Variants in PREX2 observed in about 807,000 individuals in gnomAD.
PREX2 encodes phosphatidylinositol 3,4,5-trisphosphate-dependent Rac exchanger 2 protein.
A neutral mutation model predicts 203.2 loss-of-function variants in PREX2; 107 were observed. That is an observed-to-expected ratio of 0.53 (90% confidence interval 0.45 to 0.62). The LOEUF (loss-of-function observed/expected upper bound fraction) is 0.62. PREX2 is among the 20% of genes least tolerant of loss of function. The pLI is 0.00. For synonymous variants in PREX2, 672 were observed against 663.6 expected, an observed-to-expected ratio of 1.01 and a Z score of -0.19; for missense variants, 1,777 against 1,955.9, an observed-to-expected ratio of 0.91 and a Z score of 1.72.
chr8:68,133,300 G>A (rs1811045173), intron 31 of PREX2, among the ~76,000 whole-genome samples: 1 of 152,008 alleles, frequency 6.6e-6, no homozygotes, highest in African/African-American at 2.4e-5. Context: ...CAACACCTGG[G>A]GATTACAATT....
chr8:68,024,030 C>T (rs1026779497), intron 4 of PREX2, among the ~76,000 whole-genome samples: 7 of 151,982 alleles, frequency 4.6e-5, no homozygotes, highest in Admixed American at 4.6e-4. Context: ...AGTGGGCACA[C>T]CTGCCGTGTT....
chr8:68,055,901 A>G lies in PREX2; in HGVS notation c.1165A>G (p.Met389Val), dbSNP rs1169735083. 3 of 1,613,140 alleles carry G rather than the reference A, an allele frequency of 1.9e-6. No individual in the cohort carries two copies. Among genetic ancestry groups the G allele is most frequent in the Middle Eastern group, 1.7e-4 (1 of 6,058 alleles). Residue 389 changes from methionine (M) to valine (V), a missense_variant, in exon 10 of 40, where the codon ATG (methionine) becomes GTG (valine). By Grantham distance (21) the Met-to-Val change is conservative. Transcript: ENST00000288368. ...SEQGEKLYKM[M>V]CRQGNLIKDR... is the part of the protein sequence containing the mutation. Reference sequence around the variant, plus strand: ...ACAGGGTGAGAAACTTTATAAAATGATGTGCAGACAAGGAAATCTGATCAA... The same window carrying G: ...ACAGGGTGAGAAACTTTATAAAATGGTGTGCAGACAAGGAAATCTGATCAA...
At chr8:68,153,957 T>A (rs1303581864) in intron 34 of PREX2, among the ~76,000 whole-genome samples, 2 of 152,268 alleles carry the variant, frequency 1.3e-5, no homozygotes, top group African/African-American at 4.8e-5. Flanking sequence ...TAAAATTATA[T>A]TAAATTATGT....
At chr8:68,222,888 A>T (rs1585874561) in intron 38 of PREX2, among the ~76,000 whole-genome samples, 1 of 152,224 alleles carries the variant, frequency 6.6e-6, no homozygotes, top group South Asian at 2.1e-4. Context: ...GCATTTCCTG[A>T]ATCTAATCGT....
At chr8:68,213,950 TTG>T (rs1812787694) in intron 37 of PREX2, among the ~76,000 whole-genome samples, 1 of 152,192 alleles carries the variant, frequency 6.6e-6, no homozygotes, top group South Asian at 2.1e-4. Flanking sequence ...AGGGAAAGAA[TTG>T]TGTGAATATT....
intron 8 of PREX2, among the ~76,000 whole-genome samples, chr8:68,046,091 C>A (rs538301286): frequency 6.6e-6 from 1 of 152,090 alleles, no homozygotes; most frequent in Admixed American, 6.5e-5. Context: ...ATAATGGGAC[C>A]ATCTCTCCAC....
At chr8:67,998,925 A>G (rs1457206246) in intron 1 of PREX2, among the ~76,000 whole-genome samples, 2 of 152,212 alleles carry the variant, frequency 1.3e-5, no homozygotes, top group African/African-American at 4.8e-5. Flanking sequence ...AGGGCTTGAC[A>G]CTTTCTGGAA....
intron 18 of PREX2, among the ~76,000 whole-genome samples, chr8:68,087,208 A>G (rs1809718753): frequency 6.6e-6 from 1 of 152,198 alleles, no homozygotes; most frequent in Non-Finnish European, 1.5e-5. Flanking sequence ...TCCACCTACA[A>G]ACTGACTACT....
Position 67,984,049 on chromosome 8 carries a change from G to A in PREX2, c.141+31514G>A, listed in dbSNP as rs75040489. Among the ~76,000 whole-genome samples the A allele has an allele frequency of 9.2e-3, 1,405 of 152,176 alleles. 13 individuals carry two copies. Among genetic ancestry groups the A allele is most frequent in the Non-Finnish European group, 0.015 (1,005 of 68,002 alleles). ...CTGATCCTGCTATTCTCCCTATGTT[G>A]AGTGTTCCCCGCATTTCCTCCCCAA... On this transcript the variant is annotated intron_variant, in intron 1 of 39. Transcript: ENST00000288368.
chr8:68,107,965 T>G (rs2129612784), intron 23 of PREX2, 144 bp from the exon 24 acceptor site: 1 of 605,370 alleles, frequency 1.7e-6, no homozygotes, highest in South Asian at 2.3e-5. Context: ...ATGGAATTTC[T>G]AACAACATAT....
At chr8:68,019,521 GCTTA>G in intron 2 of PREX2, 24 bp from the exon 3 acceptor site, 1 of 1,588,538 alleles carries the variant, frequency 6.3e-7, no homozygotes, top group Non-Finnish European at 8.6e-7. Context: ...TCACTACTGA[GCTTA>G]CTTACACATT....
At chr8:68,017,765 G>T (rs1273556522) in intron 1 of PREX2, 81 bp from the exon 2 acceptor site, 6 of 1,201,728 alleles carry the variant, frequency 5.0e-6, no homozygotes, top group African/African-American at 1.5e-5. Flanking sequence ...TTGTTGTAAA[G>T]AAATTAGTTT....
At chr8:68,181,213 T>C (rs937505261) in intron 35 of PREX2, among the ~76,000 whole-genome samples, 5 of 152,166 alleles carry the variant, frequency 3.3e-5, no homozygotes, top group Non-Finnish European at 7.4e-5. Context: ...CTTTGATCGG[T>C]CTGTTCATCT....
At chr8:68,084,939 A>C (rs1205691169) in intron 18 of PREX2, among the ~76,000 whole-genome samples, 6 of 152,178 alleles carry the variant, frequency 3.9e-5, no homozygotes, top group Non-Finnish European at 8.8e-5. Flanking sequence ...GAGGTCATCA[A>C]CTTCAAAACT....
rs1054797772 is a variant in PREX2, at chr8:68,098,976, A to C, written c.2554-706A>C. On this transcript the variant is annotated intron_variant, in intron 22 of 39. Transcript: ENST00000288368. ...TATATATATATATATATATATATAT[A>C]TCTCACATAATTAATTCTCAGGTCA... Among the ~76,000 whole-genome samples the C allele has an allele frequency of 9.2e-5, 12 of 129,786 alleles. 1 individual carries two copies. The highest frequency in any genetic ancestry group is 5.2e-4 in the South Asian group (2 of 3,874). 85.1% of individuals were successfully genotyped at this position (129,786 alleles called of 152,430 possible).
At chr8:67,965,335 T>A (rs1321600574) in intron 1 of PREX2, among the ~76,000 whole-genome samples, 3 of 152,190 alleles carry the variant, frequency 2.0e-5, no homozygotes, top group African/African-American at 7.2e-5. Context: ...TCATTTTGGA[T>A]CTCTGTGTAT....
rs955195715 is a variant in PREX2, at chr8:67,994,583, A to G, written c.142-23263A>G. On this transcript the variant is annotated intron_variant, in intron 1 of 39. Transcript: ENST00000288368. ...AATTGTTGGAAAAAAATGAATTCAT[A>G]AAAGAACAGTGGAGAAAAGAAAGTT... 4.6e-5 allele frequency among the ~76,000 whole-genome samples: 7 copies of G among 152,224 alleles called. No individual in the cohort carries two copies. The South Asian group carries it at 8.3e-4, about 18-fold the overall frequency.
At chr8:68,061,417 T>G (rs573723125) in intron 11 of PREX2, among the ~76,000 whole-genome samples, 1 of 152,150 alleles carries the variant, frequency 6.6e-6, no homozygotes, top group Non-Finnish European at 1.5e-5. Flanking sequence ...GGTCCACAGC[T>G]GTGAGGTGCA....
At chr8:68,214,246 A>G (rs929548805) in intron 37 of PREX2, among the ~76,000 whole-genome samples, 1 of 152,132 alleles carries the variant, frequency 6.6e-6, no homozygotes, top group Admixed American at 6.6e-5. Context: ...CAAAAAATAC[A>G]AAAGTTGGCT....
Sources: gnomAD v4.1 joint callset for allele counts (sites outside exome capture counted in the v4.1 genomes callset) on GRCh38, gnomAD v4.1.1 for gene constraint, MANE v1.5 for transcripts, NCBI Gene and HGNC (gene_info 2026-07-23, HGNC 2026-07-21) for gene names.